The following BCAR3 variants were observed in gnomAD, a reference collection of about 807,000 sequenced individuals.
The protein encoded by BCAR3 is BCAR3 adaptor protein, NSP family member, also known as breast cancer anti-estrogen resistance protein 3.
BCAR3 carries 37 observed loss-of-function variants against 80.1 expected under a neutral mutation model. The ratio of observed to expected loss-of-function variants is 0.46; its 90% confidence interval spans 0.36 to 0.61. The LOEUF (loss-of-function observed/expected upper bound fraction) is 0.61, where lower values mean the gene tolerates loss of function less well. Ranked by LOEUF, BCAR3 falls within the 20% of genes least tolerant of loss-of-function variation. The pLI, the probability that BCAR3 is intolerant of heterozygous loss-of-function variation, is 0.00. For synonymous variants in BCAR3, 389 were observed against 418.9 expected, an observed-to-expected ratio of 0.93 and a Z score of 0.87; for missense variants, 978 against 1,068.2, an observed-to-expected ratio of 0.92 and a Z score of 1.18.
chr1:93,687,079 T>C (rs1440991818), intron 3 of BCAR3, among the ~76,000 whole-genome samples: 1 of 152,218 alleles, frequency 6.6e-6, no homozygotes, highest in Non-Finnish European at 1.5e-5. Context: ...CTAAGATCTA[T>C]ATCTGGTTTT....
At chr1:93,838,608 C>T (rs1328982915) in intron 2 of BCAR3, among the ~76,000 whole-genome samples, 1 of 152,164 alleles carries the variant, frequency 6.6e-6, no homozygotes, top group Non-Finnish European at 1.5e-5. Context: ...TACTAAGTAG[C>T]CCTCCCCTTT....
intron 2 of BCAR3, among the ~76,000 whole-genome samples, chr1:93,813,142 C>T (rs1653903130): frequency 6.6e-6 from 1 of 152,086 alleles, no homozygotes; most frequent in Non-Finnish European, 1.5e-5. Flanking sequence ...TCCCCAGCCC[C>T]CAGAGCTCCA....
intron 2 of BCAR3, among the ~76,000 whole-genome samples, chr1:93,841,579 C>T (rs1436493928): frequency 6.6e-6 from 1 of 152,246 alleles, no homozygotes; most frequent in Non-Finnish European, 1.5e-5. Flanking sequence ...ATTGGTGGTG[C>T]TGCCTGCCTT....
Position 93,567,730 on chromosome 1 carries a change from A to T in BCAR3, c.2086+10T>A. ...GGGTAGCCCCATGCTTGCTCTGCCC[A>T]CGTGCTCACCTCTGCCTTCATGCAG... On this transcript the variant is annotated intron_variant, in intron 10 of 11. Coordinates refer to ENST00000260502, the MANE Select transcript of BCAR3 (RefSeq NM_003567.4). 1 of 1,609,906 alleles carries T rather than the reference A, an allele frequency of 6.2e-7. No homozygotes were observed. The highest frequency in any genetic ancestry group is 8.5e-7 in the Non-Finnish European group (1 of 1,176,258).
Position 93,823,122 on chromosome 1 carries a change from G to A in BCAR3, c.-63+22445C>T, listed in dbSNP as rs12410105. On this transcript the variant is annotated intron_variant, in intron 2 of 13. Coordinates refer to the BCAR3 transcript ENST00000370244. The stretch of plus-strand genomic sequence containing the variant: ...TCATGCCACTCTGAAGGCGTACAGC[G>A]TGGAAATGACAGAGCTGAAAGAGGG... Among the ~76,000 whole-genome samples the A allele has an allele frequency of 2.3e-5, 3 of 132,136 alleles. 1 individual carries two copies. Among genetic ancestry groups the A allele is most frequent in the Non-Finnish European group, 1.7e-5 (1 of 58,782 alleles). 86.7% of individuals were successfully genotyped at this position (132,136 alleles called of 152,430 possible).
At chr1:93,594,260 G>C (rs975021086) in intron 3 of BCAR3, 3 of 152,228 alleles carry the variant, frequency 2.0e-5, no homozygotes, top group Non-Finnish European at 4.4e-5. Context: ...TGCTGACTTT[G>C]CTTAGTTATG....
upstream of BCAR3, among the ~76,000 whole-genome samples, chr1:93,685,896 T>A (rs1165683983): frequency 6.6e-6 from 1 of 152,184 alleles, no homozygotes; most frequent in Non-Finnish European, 1.5e-5. Context: ...GCTTATATTT[T>A]CATGTTTAGT....
chr1:93,582,245 C>G, intron 7 of BCAR3, 56 bp downstream of exon 7: 1 of 1,569,376 alleles, frequency 6.4e-7, no homozygotes, highest in South Asian at 1.2e-5. Flanking sequence ...ACCGGGACCC[C>G]TAGCTCTTAC....
At chr1:93,589,528 C>T (rs966291771) in intron 4 of BCAR3, 109 bp from the exon 5 acceptor site, 2 of 930,306 alleles carry the variant, frequency 2.1e-6, no homozygotes, top group Non-Finnish European at 3.2e-6. Flanking sequence ...GCTACTATGT[C>T]TCTTCTTGGG....
intron 2 of BCAR3, among the ~76,000 whole-genome samples, chr1:93,763,645 G>C (rs1652036757): frequency 6.6e-6 from 1 of 152,128 alleles, no homozygotes; most frequent in African/African-American, 2.4e-5. Context: ...AGTCTTCTTA[G>C]CTCATTTTTC....
chr1:93,643,414 T>C (rs1055062947), intron 2 of BCAR3, among the ~76,000 whole-genome samples: 1 of 148,840 alleles, frequency 6.7e-6, no homozygotes, highest in Non-Finnish European at 1.5e-5. Flanking sequence ...GGCGTAGTGG[T>C]GAGTGCTTGT....
At chr1:93,784,560 T>C (rs1044773384) in intron 2 of BCAR3, among the ~76,000 whole-genome samples, 1 of 152,206 alleles carries the variant, frequency 6.6e-6, no homozygotes, top group Admixed American at 6.5e-5. Context: ...CCTGATTATC[T>C]GATAGAGTTG....
chr1:93,757,733 C>T (rs1440090210), intron 2 of BCAR3, among the ~76,000 whole-genome samples: 1 of 152,236 alleles, frequency 6.6e-6, no homozygotes, highest in Non-Finnish European at 1.5e-5. Context: ...TCTCCCACCA[C>T]ACAGCTTCCT....
intron 2 of BCAR3, among the ~76,000 whole-genome samples, chr1:93,786,751 T>G (rs1652962423): frequency 6.6e-6 from 1 of 152,208 alleles, no homozygotes; most frequent in Non-Finnish European, 1.5e-5. Flanking sequence ...GAGAGAGAAC[T>G]CACTGAGACA....
At chr1:93,757,995 C>T (rs1325010379) in intron 2 of BCAR3, among the ~76,000 whole-genome samples, 1 of 152,126 alleles carries the variant, frequency 6.6e-6, no homozygotes. Context: ...GCCAAGTTGG[C>T]CCTTCAGAGA....
At chr1:93,678,102 G>A (rs1367253063) in intron 1 of BCAR3, among the ~76,000 whole-genome samples, 1 of 152,126 alleles carries the variant, frequency 6.6e-6, no homozygotes, top group Admixed American at 6.5e-5. Context: ...CCTCTGGGAA[G>A]CTTTTAAAAT....
At chr1:93,832,165 A>G (rs1040926603) in intron 2 of BCAR3, among the ~76,000 whole-genome samples, 1 of 152,220 alleles carries the variant, frequency 6.6e-6, no homozygotes, top group African/African-American at 2.4e-5. Context: ...TTCAAGGTGT[A>G]CAATAATAGA....
At chr1:93,582,094 C>T (rs1232120822) in intron 7 of BCAR3, among the ~76,000 whole-genome samples, 1 of 152,210 alleles carries the variant, frequency 6.6e-6, no homozygotes, top group Non-Finnish European at 1.5e-5. Context: ...AAGGTTGTCC[C>T]AGCTTGTGGT....
chr1:93,654,917 A>G, intron 2 of BCAR3, among the ~76,000 whole-genome samples: 1 of 152,128 alleles, frequency 6.6e-6, no homozygotes, highest in East Asian at 1.9e-4. Flanking sequence ...CTGATATTAT[A>G]GTAAATGTCT....
Sources: gnomAD v4.1 joint callset for allele counts (sites outside exome capture counted in the v4.1 genomes callset) on GRCh38, gnomAD v4.1.1 for gene constraint, MANE v1.5 for transcripts, NCBI Gene and HGNC (gene_info 2026-07-23, HGNC 2026-07-21) for gene names.